The following PTPN12 variants were observed in gnomAD, a reference collection of about 807,000 sequenced individuals.
PTPN12 encodes protein tyrosine phosphatase non-receptor type 12.
PTPN12 carries 29 observed loss-of-function variants against 97.6 expected under a neutral mutation model. The observed-to-expected ratio is 0.30, with a 90% CI of 0.22 to 0.41. The LOEUF is 0.41. PTPN12 is among the 10% of genes least tolerant of loss of function. The pLI, the probability that PTPN12 is intolerant of heterozygous loss-of-function variation, is 1.00. For synonymous variants in PTPN12, 327 were observed against 300.4 expected, an observed-to-expected ratio of 1.09 and a Z score of -0.91; for missense variants, 819 against 926.0, an observed-to-expected ratio of 0.88 and a Z score of 1.50.
intron 1 of PTPN12, among the ~76,000 whole-genome samples, chr7:77,552,201 C>G (rs1807508727): frequency 6.6e-6 from 1 of 152,170 alleles, no homozygotes; most frequent in African/African-American, 2.4e-5. Context: ...ACTGTAGCCT[C>G]AAACTCCTGG....
chr7:77,616,245 A>G (rs1282539346), intron 11 of PTPN12, among the ~76,000 whole-genome samples: 2 of 152,000 alleles, frequency 1.3e-5, no homozygotes, highest in East Asian at 1.9e-4. Flanking sequence ...AATATTGTCA[A>G]CTTACTTTTT....
At chr7:77,615,574 C>T (rs1158044589) in intron 11 of PTPN12, among the ~76,000 whole-genome samples, 2 of 152,086 alleles carry the variant, frequency 1.3e-5, no homozygotes, top group African/African-American at 2.4e-5. Context: ...AAGCGAGACC[C>T]CATCTATACA....
intron 11 of PTPN12, among the ~76,000 whole-genome samples, chr7:77,612,794 GT>G (rs758256032): frequency 1.0e-4 from 15 of 146,284 alleles, no homozygotes; most frequent in African/African-American, 1.5e-4. Context: ...TTGGTTTTTG[GT>G]TTTTTTTTTG....
intron 5 of PTPN12, among the ~76,000 whole-genome samples, chr7:77,585,821 C>T (rs1337050261): frequency 6.6e-6 from 1 of 152,062 alleles, no homozygotes; most frequent in East Asian, 1.9e-4. Context: ...AGGTTCAGTT[C>T]CAGACCACCA....
intron 12 of PTPN12, among the ~76,000 whole-genome samples, chr7:77,621,224 T>C (rs1328704855): frequency 6.6e-6 from 1 of 152,060 alleles, no homozygotes; most frequent in Non-Finnish European, 1.5e-5. Context: ...CTCCATATCT[T>C]GTCCTGCTGG....
intron 1 of PTPN12, among the ~76,000 whole-genome samples, chr7:77,552,926 A>C (rs1807544128): frequency 6.6e-6 from 1 of 152,236 alleles, no homozygotes; most frequent in Non-Finnish European, 1.5e-5. Flanking sequence ...CAGATGTGTC[A>C]GAAGGAAGCA....
chr7:77,638,024 C>A (rs1789667849), intron 16 of PTPN12, among the ~76,000 whole-genome samples: 1 of 116,924 alleles, frequency 8.6e-6, no homozygotes, highest in East Asian at 3.1e-4. Context: ...GTGGCGCGAT[C>A]TCGGCTCACT....
chr7:77,558,245 GAA>G (rs1428573019), intron 1 of PTPN12, among the ~76,000 whole-genome samples: 2 of 150,260 alleles, frequency 1.3e-5, no homozygotes, highest in Admixed American at 1.3e-4. Flanking sequence ...AAAAAAGAAA[GAA>G]AAAGAAAATG....
intron 11 of PTPN12, among the ~76,000 whole-genome samples, chr7:77,613,176 T>G (rs1262318083): frequency 2.6e-4 from 35 of 134,854 alleles, no homozygotes; most frequent in Non-Finnish European, 5.1e-4. Flanking sequence ...GGTTTTTTTT[T>G]TTTTTTTTTT....
At chr7:77,630,951 G>A (rs746689726) in intron 13 of PTPN12, among the ~76,000 whole-genome samples, 1 of 152,170 alleles carries the variant, frequency 6.6e-6, no homozygotes, top group South Asian at 2.1e-4. Context: ...GAAAATAAAA[G>A]TTTTTAAGGG....
chr7:77,557,187 G>A (rs1467248759), intron 1 of PTPN12, among the ~76,000 whole-genome samples: 2 of 151,990 alleles, frequency 1.3e-5, no homozygotes, highest in African/African-American at 2.4e-5. Flanking sequence ...GGCTGGTCTC[G>A]AACCCCTGGG....
chr7:77,638,576 G>T (rs1789687880), intron 16 of PTPN12, 48 bp from the exon 17 acceptor site: 2 of 1,513,108 alleles, frequency 1.3e-6, no homozygotes, highest in Non-Finnish European at 1.8e-6. Flanking sequence ...ATATATATAT[G>T]ATGCTACAAA....
rs555448724 is a variant in PTPN12, at chr7:77,611,678, C to T, written c.939+632C>T. 2.0e-5 allele frequency among the ~76,000 whole-genome samples: 3 copies of T among 152,328 alleles called. No homozygotes were observed. The East Asian group carries it at 5.8e-4, about 29-fold the overall frequency. ...CAGGCTGGTCTCGAACTCCTGACCT[C>T]AGGTGGTCTGCCCGCCTTGGCCTCC... is the stretch of plus-strand genomic sequence containing the variant. On this transcript the variant is annotated intron_variant, in intron 11 of 17. Transcript: ENST00000248594.
At chr7:77,613,091 A>G (rs1425491021) in intron 11 of PTPN12, among the ~76,000 whole-genome samples, 1 of 150,340 alleles carries the variant, frequency 6.7e-6, no homozygotes, top group Admixed American at 6.6e-5. Flanking sequence ...ATTATTTTGT[A>G]TAATTTAATC....
intron 12 of PTPN12, among the ~76,000 whole-genome samples, chr7:77,624,494 C>T (rs1186514893): frequency 6.6e-5 from 10 of 151,958 alleles, no homozygotes; most frequent in African/African-American, 2.2e-4. Flanking sequence ...GGCTGGAGTG[C>T]AGTGGCGTGA....
intron 3 of PTPN12, among the ~76,000 whole-genome samples, chr7:77,583,235 G>A (rs1261306631): frequency 2.0e-5 from 3 of 152,172 alleles, no homozygotes; most frequent in African/African-American, 7.2e-5. Context: ...ATTTCTGCCA[G>A]TTAGCTTTGT....
intron 14 of PTPN12, among the ~76,000 whole-genome samples, chr7:77,634,646 T>C (rs1483595952): frequency 6.6e-6 from 1 of 151,916 alleles, no homozygotes; most frequent in Non-Finnish European, 1.5e-5. Context: ...GGTTTCACCG[T>C]GTTAGCCAGG....
chr7:77,559,168 G>A (rs1185531839), intron 1 of PTPN12, among the ~76,000 whole-genome samples: 1 of 152,188 alleles, frequency 6.6e-6, no homozygotes, highest in Non-Finnish European at 1.5e-5. Context: ...TTCCCTTGTG[G>A]ACAACGTTTC....
intron 11 of PTPN12, among the ~76,000 whole-genome samples, chr7:77,615,416 C>T (rs965075977): frequency 1.6e-4 from 25 of 152,110 alleles, no homozygotes; most frequent in African/African-American, 5.5e-4. Context: ...AATAACAGTA[C>T]GCAAGATAAC....
Sources: allele counts gnomAD v4.1 joint callset (sites outside exome capture counted in the v4.1 genomes callset), GRCh38; gene constraint gnomAD v4.1.1; transcripts MANE v1.5; gene names NCBI Gene and HGNC (gene_info 2026-07-23, HGNC 2026-07-21).